OSCP1: variants seen among roughly 807,000 people sequenced by gnomAD.
The protein encoded by OSCP1 is protein OSCP1.
Under a neutral mutation model 45.1 loss-of-function variants are expected in OSCP1, and 35 were observed. That is an observed-to-expected ratio of 0.78 (90% CI 0.59 to 1.03). The LOEUF is 1.03. OSCP1 is among the 50% of genes least tolerant of loss of function. The pLI, the probability that OSCP1 is intolerant of heterozygous loss-of-function variation, is 0.00. For synonymous variants in OSCP1, 179 were observed against 180.1 expected (o/e 0.99, Z 0.05); for missense variants, 400 against 470.7 (o/e 0.85, Z 1.39).
At position 36,450,345 on chromosome 1, in the gene OSCP1, G is replaced by C. The variant is rs1488362836; in HGVS notation, c.25C>G (p.Leu9Val). 1.9e-6 allele frequency: 3 copies of C among 1,613,862 alleles called. No individual in the cohort carries two copies. Among genetic ancestry groups the C allele is most frequent in the Non-Finnish European group, 2.5e-6 (3 of 1,179,948 alleles). MSVRTLPL[L>V]FLNLGGEMLY... ...ATCTCCCCGCCCAAGTTCAAGAAGAGCAGCGGTAGCGTCCGCACCGACATG... is the reference window on the plus strand; with the variant it reads ...ATCTCCCCGCCCAAGTTCAAGAAGACCAGCGGTAGCGTCCGCACCGACATG... The change falls in exon 1 of 10, where the codon CTC (leucine) becomes GTC (valine). Residue 9 changes from leucine (L) to valine (V), a missense_variant. Physicochemically the swap from Leu to Val is conservative, Grantham distance 32. Coordinates refer to ENST00000235532, the MANE Select transcript of OSCP1 (RefSeq NM_145047.5).
chr1:36,423,262 G>A (rs1647760972), intron 5 of OSCP1, 101 bp downstream of exon 5: 11 of 967,740 alleles, frequency 1.1e-5, no homozygotes, highest in Non-Finnish European at 1.8e-5. Flanking sequence ...AGAAGGGCTG[G>A]GCAGACTGTG....
intron 4 of OSCP1, chr1:36,428,581 TAAGAG>T (rs1433738829): frequency 3.7e-6 from 5 of 1,342,784 alleles, no homozygotes; most frequent in Non-Finnish European, 4.9e-6. Context: ...AACTAAGACT[TAAGAG>T]AAGTTATTTT....
In OSCP1 at chr1:36,440,622, A is replaced by G. The variant is rs75566811; in HGVS notation, c.113-1712T>C. ...CGTGGACAGCTTGGAGAGACATAGA[A>G]CTCTGTCAGGTTTGCCTCATGCCTG... On this transcript the variant is annotated intron_variant, in intron 1 of 9. Coordinates refer to ENST00000235532, the MANE Select transcript of OSCP1 (RefSeq NM_145047.5). 1.0e-3 allele frequency among the ~76,000 whole-genome samples: 153 copies of G among 152,062 alleles called. No individual in the cohort carries two copies. The East Asian group carries it at 0.022, about 22-fold the overall frequency.
intron 7 of OSCP1, 98 bp downstream of exon 7, chr1:36,422,052 G>T: frequency 8.6e-7 from 1 of 1,159,844 alleles, no homozygotes; most frequent in Non-Finnish European, 1.3e-6. Context: ...GGGAAATGTT[G>T]GCTAGATCCG....
intron 2 of OSCP1, among the ~76,000 whole-genome samples, chr1:36,438,464 T>C (rs1648904624): frequency 6.6e-6 from 1 of 152,078 alleles, no homozygotes; most frequent in African/African-American, 2.4e-5. Context: ...CACTCCAGCC[T>C]GGACAACAGA....
At chr1:36,438,317 CAAAAAAA>C (rs35430845) in intron 2 of OSCP1, among the ~76,000 whole-genome samples, 3 of 73,802 alleles carry the variant, frequency 4.1e-5, no homozygotes, top group African/African-American at 6.0e-5. Flanking sequence ...AACTCCATCT[CAAAAAAA>C]AAAAAAAAAA....
intron 7 of OSCP1, among the ~76,000 whole-genome samples, chr1:36,421,359 C>G (rs1647607443): frequency 1.3e-5 from 2 of 152,276 alleles, no homozygotes; most frequent in South Asian, 4.1e-4. Flanking sequence ...CCTCTGTCAC[C>G]TTGGTCCGTG....
chr1:36,427,309 T>G (rs1271133727), intron 4 of OSCP1, among the ~76,000 whole-genome samples: 2 of 146,766 alleles, frequency 1.4e-5, no homozygotes, highest in Admixed American at 1.4e-4. Context: ...CTTTTTTTTT[T>G]TTTTTGACAC....
At chr1:36,423,255 AG>A in intron 5 of OSCP1, 107 bp downstream of exon 5, 2 of 926,682 alleles carry the variant, frequency 2.2e-6, no homozygotes, top group East Asian at 2.4e-5. Context: ...AAGAAAGAGA[AG>A]GGCTGGGCAG....
intron 1 of OSCP1, among the ~76,000 whole-genome samples, chr1:36,446,756 T>G (rs1233195994): frequency 6.6e-6 from 1 of 152,264 alleles, no homozygotes; most frequent in Non-Finnish European, 1.5e-5. Flanking sequence ...GTGATTGGCA[T>G]GTCTTGGAAA....
chr1:36,441,270 G>A (rs1649129501), intron 1 of OSCP1, among the ~76,000 whole-genome samples: 2 of 152,256 alleles, frequency 1.3e-5, no homozygotes, highest in South Asian at 2.1e-4. Context: ...AAATAAGATG[G>A]AGGCACACGT....
chr1:36,442,240 A>AAAAAAAAAG (rs57824173), intron 1 of OSCP1, among the ~76,000 whole-genome samples: 4 of 151,128 alleles, frequency 2.6e-5, no homozygotes, highest in Non-Finnish European at 5.9e-5. Context: ...AAAAAAAAAA[A>AAAAAAAAAG]GGAGGCTAAG....
rs528534532 is a variant in OSCP1 at position 36,447,458 on chromosome 1, G to C, written c.112+2800C>G. Among the ~76,000 whole-genome samples the C allele has an allele frequency of 6.6e-6, 1 of 152,290 alleles. No homozygotes were observed. The highest frequency in any genetic ancestry group is 2.1e-4 in the South Asian group (1 of 4,828). ...GCAGAGTATAGTGGTTATAGTAAGGGGACTAAGTGGTTATAGTAAGGGGAC... is the reference window on the plus strand; with the variant it reads ...GCAGAGTATAGTGGTTATAGTAAGGCGACTAAGTGGTTATAGTAAGGGGAC... On this transcript the variant is annotated intron_variant, in intron 1 of 9. Coordinates refer to ENST00000235532, the MANE Select transcript of OSCP1 (RefSeq NM_145047.5). This position sits in a 1 kb window ranked among gnomAD's most constrained non-coding sequence, Gnocchi z 4.1.
rs774333290 is a variant in OSCP1 at position 36,420,517 on chromosome 1, G to A, written c.918C>T (p.Pro306=). Residue 306 remains proline (P), a synonymous_variant, in exon 8 of 10, where the codon CCC becomes CCT. Transcript: ENST00000235532. The stretch of plus-strand genomic sequence containing the variant: ...TGGTAAAGAGATTCAACCGGAATCC[G>A]GGCTCAGGGCCACTGGGTTTCTTAA... The part of the protein sequence containing the change: ...MEIKKPSGPE[P]GFRLNLFTTD... 3.7e-6 allele frequency: 6 copies of A among 1,613,912 alleles called. No homozygotes were observed. Among genetic ancestry groups the A allele is most frequent in the South Asian group, 1.1e-5 (1 of 91,074 alleles).
intron 7 of OSCP1, 139 bp from the exon 8 acceptor site, chr1:36,420,754 A>G (rs1036976222): frequency 9.3e-5 from 115 of 1,235,274 alleles, no homozygotes; most frequent in Non-Finnish European, 1.2e-4. Flanking sequence ...AATAAAGTGT[A>G]GAAAGCAGCC....
intron 9 of OSCP1, chr1:36,418,502 TAAG>T (rs1296601888): frequency 1.8e-6 from 1 of 548,056 alleles, no homozygotes; most frequent in Non-Finnish European, 3.3e-6. Flanking sequence ...TGGGTATAGT[TAAG>T]AAACAACTTT....
intron 1 of OSCP1, among the ~76,000 whole-genome samples, chr1:36,442,779 C>A (rs769245386): frequency 6.6e-6 from 1 of 152,116 alleles, no homozygotes; most frequent in Non-Finnish European, 1.5e-5. Context: ...AACTCCAAGA[C>A]AACTCTGAAT....
intron 9 of OSCP1, 134 bp downstream of exon 9, chr1:36,418,857 G>C (rs1021322998): frequency 2.9e-6 from 2 of 684,872 alleles, no homozygotes; most frequent in Non-Finnish European, 5.0e-6. Context: ...AAACCTGGGA[G>C]GTGGAAGTTG....
chr1:36,440,577 GT>G (rs554137007), intron 1 of OSCP1, among the ~76,000 whole-genome samples: 97 of 152,236 alleles, frequency 6.4e-4, no homozygotes, highest in African/African-American at 2.1e-3. Flanking sequence ...TGCCCTTGAT[GT>G]GCCCTAACAT....
Sources: allele counts gnomAD v4.1 joint callset (sites outside exome capture counted in the v4.1 genomes callset), GRCh38; gene constraint gnomAD v4.1.1; non-coding constraint Gnocchi (gnomAD v3.1); transcripts MANE v1.5; gene names NCBI Gene and HGNC (gene_info 2026-07-23, HGNC 2026-07-21).